The following EVI5 variants were observed in gnomAD, a reference collection of about 807,000 sequenced individuals.
The protein encoded by EVI5 is ecotropic viral integration site 5, also known as ecotropic viral integration site 5 protein homolog.
A neutral mutation model predicts 112.0 loss-of-function variants in EVI5; 73 were observed. The observed-to-expected ratio is 0.65, with a 90% CI of 0.54 to 0.79. The LOEUF is 0.79. Among genes scored for constraint, EVI5 ranks in the 30% least tolerant of loss-of-function variants. The probability of loss-of-function intolerance (pLI) is 0.00; values close to 1 mark genes in which losing one functional copy is unlikely to be tolerated. For missense variants in EVI5, 900 were observed against 968.8 expected, an observed-to-expected ratio of 0.93 and a Z score of 0.94; for synonymous variants, 305 against 319.9, an observed-to-expected ratio of 0.95 and a Z score of 0.50.
intron 9 of EVI5, among the ~76,000 whole-genome samples, chr1:92,679,661 C>G (rs1283571205): frequency 6.6e-6 from 1 of 151,958 alleles, no homozygotes; most frequent in Non-Finnish European, 1.5e-5. Context: ...ATTAATGAAC[C>G]AATATTAACA....
intron 19 of EVI5, among the ~76,000 whole-genome samples, chr1:92,550,746 CAAAAAAAAAAAAAAAAAAAAAAA>C (rs1164076965): frequency 4.4e-4 from 2 of 4,518 alleles, no homozygotes; most frequent in African/African-American, 7.3e-4. Context: ...GACTCCGTCT[CAAAAAAAAAAAAAAAAAAAAAAA>C]AAAAAAAAAA....
rs766170122 is a variant in EVI5 at position 92,695,428 on chromosome 1, T to C, written c.791A>G (p.His264Arg). 1.1e-5 allele frequency: 18 copies of C among 1,606,526 alleles called. No homozygotes were observed. The highest frequency in any genetic ancestry group is 2.2e-5 in the East Asian group (1 of 44,790). Residue 264 changes from histidine (H) to arginine (R), a missense_variant, in exon 7 of 20, where the codon CAT becomes CGT. By Grantham distance (29) the His-to-Arg change is conservative. Coordinates refer to ENST00000684568, the MANE Select transcript of EVI5 (RefSeq NM_001350197.2). ...IQEHLPELFVHFQSQSFHTSM... is the reference protein window; with the variant it reads ...IQEHLPELFVRFQSQSFHTSM... The stretch of plus-strand genomic sequence containing the variant: ...GGTATGAAAACTCTGAGATTGAAAA[T>C]GTACAAAGAGCTCTGGAAGATGCTC...
chr1:92,555,515 G>A (rs1667535873), intron 19 of EVI5, among the ~76,000 whole-genome samples: 1 of 152,112 alleles, frequency 6.6e-6, no homozygotes, highest in South Asian at 2.1e-4. Context: ...TTGGAACTTT[G>A]TGTTACCTAA....
chr1:92,682,599 T>C (rs1667779031), intron 9 of EVI5, among the ~76,000 whole-genome samples: 1 of 152,124 alleles, frequency 6.6e-6, no homozygotes, highest in Non-Finnish European at 1.5e-5. Flanking sequence ...CAGTCTCTAC[T>C]AAAAATTTTT....
chr1:92,594,724 AAAAC>A lies in EVI5; in HGVS notation c.2070+10579_2070+10582del, dbSNP rs1443576278. On this transcript the variant is annotated intron_variant, in intron 18 of 19. Transcript: ENST00000684568. ...TGAACTCAAACAAAGTTACAAGAAA[AAAAC>A]AAACAACCCCATCAACAAGTGGGCG... is the stretch of plus-strand genomic sequence containing the variant. Among the ~76,000 whole-genome samples, 375 of 151,154 alleles carry A rather than the reference AAAAC, an allele frequency of 2.5e-3. 2 individuals are homozygous for A. Among genetic ancestry groups the A allele is most frequent in the African/African-American group, 8.6e-3 (352 of 41,064 alleles).
At position 92,697,965 on chromosome 1, in the gene EVI5, G is replaced by C. The variant is rs1670568509; in HGVS notation, c.660C>G (p.Phe220Leu). Reference sequence around the variant, plus strand: ...CTTGCATTAATTTAACAAATACACAGAAAGCTTCTTCTTCTGGCATCTACA... The same window carrying C: ...CTTGCATTAATTTAACAAATACACACAAAGCTTCTTCTTCTGGCATCTACA... ...LLMQMPEEEA[F>L]CVFVKLMQDY... The change falls in exon 6 of 20, where the codon TTC becomes TTG. Residue 220 changes from phenylalanine to leucine, a missense_variant. Transcript: ENST00000684568. 1.2e-6 allele frequency: 2 copies of C among 1,610,788 alleles called. No homozygotes were observed.
chr1:92,659,534 C>T (rs1049534287), intron 13 of EVI5, among the ~76,000 whole-genome samples: 4 of 151,904 alleles, frequency 2.6e-5, no homozygotes, highest in Non-Finnish European at 4.4e-5. Context: ...ATTAAAACCA[C>T]AATGAGATAC....
At chr1:92,782,140 T>C (rs934087580) in intron 1 of EVI5, among the ~76,000 whole-genome samples, 2 of 151,784 alleles carry the variant, frequency 1.3e-5, no homozygotes, top group Non-Finnish European at 2.9e-5. Context: ...ACACCTATAG[T>C]CCCAGCTACT....
rs1053461575 is a variant in EVI5 at position 92,512,292 on chromosome 1, T to C, written c.*1364A>G. The C allele has an allele frequency of 6.6e-6, 1 of 152,662 alleles. No homozygotes were observed. Among genetic ancestry groups the C allele is most frequent in the Non-Finnish European group, 1.5e-5 (1 of 68,034 alleles). 9.5% of individuals were successfully genotyped at this position (152,662 alleles called of 1,614,324 possible). A position where few individuals can be genotyped will look rare whatever the true frequency, so the allele number is the denominator to read the frequency against. ...CTATGTTTCTTGGACCTTAGCCCAT[T>C]GCTTAAATTATATTCAGTAGAATAT... On this transcript the variant is annotated 3_prime_UTR_variant, in exon 20 of 20. Coordinates refer to ENST00000684568, the MANE Select transcript of EVI5 (RefSeq NM_001350197.2).
intron 18 of EVI5, among the ~76,000 whole-genome samples, chr1:92,592,821 A>G (rs1051772603): frequency 6.6e-6 from 1 of 152,262 alleles, no homozygotes; most frequent in African/African-American, 2.4e-5. Context: ...AAAATCTAGA[A>G]GTAATGGATA....
chr1:92,607,294 G>A (rs887555905), intron 17 of EVI5, among the ~76,000 whole-genome samples: 3 of 152,036 alleles, frequency 2.0e-5, no homozygotes, highest in African/African-American at 7.2e-5. Context: ...TGGTTTTAAA[G>A]GGTTACCAGT....
chr1:92,542,237 T>C (rs896270397), intron 19 of EVI5, among the ~76,000 whole-genome samples: 4 of 152,214 alleles, frequency 2.6e-5, no homozygotes, highest in Non-Finnish European at 1.5e-5. Flanking sequence ...ACAGTATCTT[T>C]ACCAGGAGAA....
chr1:92,722,369 G>T (rs1169197491), intron 2 of EVI5, among the ~76,000 whole-genome samples: 1 of 151,872 alleles, frequency 6.6e-6, no homozygotes, highest in East Asian at 1.9e-4. Context: ...CAACGTGCAG[G>T]TTTGTTATAT....
intron 18 of EVI5, among the ~76,000 whole-genome samples, chr1:92,572,452 C>T (rs1173969821): frequency 1.3e-5 from 2 of 152,106 alleles, no homozygotes; most frequent in South Asian, 2.1e-4. Flanking sequence ...AATTCATCCC[C>T]TCTTTCCTCC....
At chr1:92,660,023 A>C (rs1001512885) in intron 13 of EVI5, among the ~76,000 whole-genome samples, 10 of 152,042 alleles carry the variant, frequency 6.6e-5, no homozygotes, top group African/African-American at 2.4e-4. Context: ...ATGAGAAATA[A>C]TGTATACACA....
intron 2 of EVI5, among the ~76,000 whole-genome samples, chr1:92,728,978 T>C (rs1319319736): frequency 1.3e-5 from 2 of 152,324 alleles, no homozygotes; most frequent in Admixed American, 1.3e-4. Flanking sequence ...TTTTACTTAA[T>C]AACGGCCCCA....
intron 1 of EVI5, among the ~76,000 whole-genome samples, chr1:92,749,015 G>A (rs2025101): frequency 0.9 from 134,790 of 149,638 alleles, 60,798 homozygotes; most frequent in East Asian, 0.97. Context: ...GCGGTGAGCC[G>A]AGATCGTGCC....
intron 2 of EVI5, among the ~76,000 whole-genome samples, chr1:92,722,520 G>C (rs564907300): frequency 5.2e-5 from 7 of 134,602 alleles, no homozygotes. Flanking sequence ...CTGTGTCCAT[G>C]TGTTCTCACT....
chr1:92,525,739 C>T (rs1661754518), intron 19 of EVI5, among the ~76,000 whole-genome samples: 1 of 152,184 alleles, frequency 6.6e-6, no homozygotes, highest in South Asian at 2.1e-4. Flanking sequence ...TCATGATTAG[C>T]TCATCGGACG....
Sources: gnomAD v4.1 joint callset for allele counts (sites outside exome capture counted in the v4.1 genomes callset) on GRCh38, gnomAD v4.1.1 for gene constraint, MANE v1.5 for transcripts, NCBI Gene and HGNC (gene_info 2026-07-23, HGNC 2026-07-21) for gene names.